The following TRIM5 variants were observed in gnomAD, a reference collection of about 807,000 sequenced individuals.
TRIM5 encodes the protein tripartite motif-containing protein 5.
A neutral mutation model predicts 35.6 loss-of-function variants in TRIM5; 31 were observed. The ratio of observed to expected loss-of-function variants is 0.87; its 90% confidence interval spans 0.65 to 1.18. TRIM5 has a LOEUF of 1.18. Ranked by LOEUF, TRIM5 falls within the 50% of genes most tolerant of loss-of-function variation. The probability of loss-of-function intolerance (pLI) is 0.00; values close to 1 mark genes in which losing one functional copy is unlikely to be tolerated. For missense variants in TRIM5, 609 were observed against 591.6 expected (o/e 1.03, Z -0.31); for synonymous variants, 243 against 215.6 (o/e 1.13, Z -1.11).
chr11:5,591,481 T>G, the TRIM5 span, among the ~76,000 whole-genome samples: 1 of 152,146 alleles, frequency 6.6e-6, no homozygotes, highest in Non-Finnish European at 1.5e-5. Flanking sequence ...AAACCCTGTC[T>G]CTACTAAAAA....
the TRIM5 span, chr11:5,643,669 A>G: frequency 6.2e-7 from 1 of 1,613,142 alleles, no homozygotes; most frequent in South Asian, 1.1e-5. Flanking sequence ...AATCCTTGGA[A>G]CTGTCCAGCT....
the TRIM5 span, chr11:5,610,918 A>G: frequency 8.1e-6 from 13 of 1,614,182 alleles, no homozygotes; most frequent in Non-Finnish European, 1.0e-5. Flanking sequence ...CTGGGCTCCC[A>G]GCACTTCTCC....
chr11:5,666,475 T>C (rs1851148428), intron 5 of TRIM5, among the ~76,000 whole-genome samples: 1 of 152,120 alleles, frequency 6.6e-6, no homozygotes, highest in African/African-American at 2.4e-5. Context: ...ATCATCGCTA[T>C]GTATGTTGAG....
At chr11:5,596,689 C>A in the TRIM5 span, 2 of 707,396 alleles carry the variant, frequency 2.8e-6, no homozygotes, top group Admixed American at 2.9e-5. Flanking sequence ...TGGGTCCGTC[C>A]GTTCAACGGC....
At chr11:5,631,165 C>T in the TRIM5 span, among the ~76,000 whole-genome samples, 1 of 152,152 alleles carries the variant, frequency 6.6e-6, no homozygotes, top group Non-Finnish European at 1.5e-5. Flanking sequence ...CCTTTGGGTT[C>T]CTATCAACCT....
the TRIM5 span, chr11:5,611,020 T>C: frequency 6.2e-7 from 1 of 1,614,162 alleles, no homozygotes; most frequent in Non-Finnish European, 8.5e-7. Context: ...ACATTCTCTT[T>C]CAACCATTTT....
At chr11:5,632,705 A>G in the TRIM5 span, 6 of 1,612,154 alleles carry the variant, frequency 3.7e-6, no homozygotes, top group South Asian at 6.6e-5. Context: ...TCTCAGGAGC[A>G]CCGTGGTCAC....
chr11:5,605,384 G>C, the TRIM5 span: 4,120 of 1,614,144 alleles, frequency 2.6e-3, 9 homozygotes, highest in Non-Finnish European at 2.8e-3. Context: ...AGTTTAATCA[G>C]CTGCGAAATA....
the TRIM5 span, among the ~76,000 whole-genome samples, chr11:5,648,869 G>T: frequency 1.3e-5 from 2 of 152,110 alleles, no homozygotes; most frequent in South Asian, 4.1e-4. Flanking sequence ...CAACCAATTT[G>T]CAAAATTATT....
At chr11:5,615,585 TTTG>T in the TRIM5 span, among the ~76,000 whole-genome samples, 20,106 of 96,506 alleles carry the variant, frequency 0.21, 1,660 homozygotes, top group African/African-American at 0.3. Context: ...TTGTTTTTTT[TTTG>T]TTGTTGTTGT....
chr11:5,640,671 A>T, the TRIM5 span, among the ~76,000 whole-genome samples: 1 of 152,166 alleles, frequency 6.6e-6, no homozygotes, highest in African/African-American at 2.4e-5. Context: ...GTAATCAATT[A>T]GGAAGTGTTC....
Position 5,679,754 on chromosome 11 carries a change from C to A in TRIM5, c.417+7G>T. 5.1e-6 allele frequency: 8 copies of A among 1,569,526 alleles called. No individual in the cohort carries two copies. Among genetic ancestry groups the A allele is most frequent in the Non-Finnish European group, 6.9e-6 (8 of 1,155,968 alleles). ...TGCCCTCTCTTCCTTCCATCCCAGT[C>A]TCTTACTTGGTACTCCCGGGCAACC... On this transcript the variant is annotated splice_region_variant and intron_variant, in intron 2 of 7. Coordinates refer to ENST00000380034, the MANE Select transcript of TRIM5 (RefSeq NM_033034.3).
At chr11:5,652,021 G>A in the TRIM5 span, among the ~76,000 whole-genome samples, 1 of 151,896 alleles carries the variant, frequency 6.6e-6, no homozygotes, top group African/African-American at 2.4e-5. Context: ...ATTTATTGAA[G>A]TTACTTATAG....
the TRIM5 span, among the ~76,000 whole-genome samples, chr11:5,600,059 G>GAT: frequency 1.3e-5 from 2 of 152,208 alleles, no homozygotes; most frequent in African/African-American, 4.8e-5. Flanking sequence ...ACTCTCAGAT[G>GAT]ATAGGTAAAT....
chr11:5,663,667 A>ATTATT lies in TRIM5; in HGVS notation c.*1141_*1142insAATAA. On this transcript the variant is annotated 3_prime_UTR_variant, in exon 8 of 8. Transcript: ENST00000380034. ...TGACAAATAATAAATATACATATTT[A>ATTATT]TGTGGTACAGTGTGATGTTTTGATA... The ATTATT allele has an allele frequency of 1.5e-5, 11 of 756,018 alleles. No homozygotes were observed. Among genetic ancestry groups the ATTATT allele is most frequent in the Non-Finnish European group, 1.8e-5 (11 of 620,464 alleles). The allele number at this position is 756,018 out of a possible 1,614,324, so 46.8% of individuals were successfully genotyped here.
downstream of TRIM5, among the ~76,000 whole-genome samples, chr11:5,659,307 CT>C (rs1306960089): frequency 6.6e-6 from 1 of 152,162 alleles, no homozygotes; most frequent in Non-Finnish European, 1.5e-5. Context: ...GCCATTCCCC[CT>C]GTCGCATGCC....
the TRIM5 span, among the ~76,000 whole-genome samples, chr11:5,598,724 TGA>T: frequency 3.9e-5 from 6 of 152,234 alleles, no homozygotes; most frequent in Non-Finnish European, 7.3e-5. Flanking sequence ...GCTACATGTT[TGA>T]CAACACAGTT....
chr11:5,627,153 G>A, the TRIM5 span, among the ~76,000 whole-genome samples: 4 of 151,924 alleles, frequency 2.6e-5, no homozygotes, highest in Non-Finnish European at 5.9e-5. Context: ...CAAGGCGGGT[G>A]GATCACCTGA....
intron 1 of TRIM5, among the ~76,000 whole-genome samples, chr11:5,683,032 G>A (rs1000841835): frequency 3.3e-5 from 5 of 152,108 alleles, no homozygotes; most frequent in Non-Finnish European, 5.9e-5. Flanking sequence ...GGTGGGCCCC[G>A]CACTCGGAGT....
Sources: allele counts gnomAD v4.1 joint callset (sites outside exome capture counted in the v4.1 genomes callset), GRCh38; gene constraint gnomAD v4.1.1; transcripts MANE v1.5; gene names NCBI Gene and HGNC (gene_info 2026-07-23, HGNC 2026-07-21).